The following OTOP3 variants were observed in gnomAD, a reference collection of about 807,000 sequenced individuals.
OTOP3 encodes otopetrin 3.
OTOP3 carries 41 observed loss-of-function variants against 50.8 expected under a neutral mutation model. The ratio of observed to expected loss-of-function variants is 0.81; its 90% confidence interval spans 0.63 to 1.05. OTOP3 has a LOEUF of 1.05. Among genes scored for constraint, OTOP3 ranks in the 50% least tolerant of loss-of-function variants. OTOP3 has a pLI of 0.00. For synonymous variants in OTOP3, 320 were observed against 324.4 expected, an observed-to-expected ratio of 0.99 and a Z score of 0.14; for missense variants, 788 against 760.8, an observed-to-expected ratio of 1.04 and a Z score of -0.42.
intron 3 of OTOP3, 115 bp from the exon 4 acceptor site, chr17:74,943,155 TAGAGCCAAGATTCCGA>T (rs1331923721): frequency 2.5e-6 from 2 of 814,602 alleles, no homozygotes; most frequent in Non-Finnish European, 4.2e-6. Flanking sequence ...CAAGAAGCAG[TAGAGCCAAGATTCCGA>T]CCCAGTCTTT....
In OTOP3 at chr17:74,947,439, G is replaced by A. The variant is rs1883491244; in HGVS notation, c.1530G>A (p.Lys510=). 6.2e-7 allele frequency: 1 copy of A among 1,610,598 alleles called. No homozygotes were observed. The highest frequency in any genetic ancestry group is 1.7e-5 in the Admixed American group (1 of 59,876). The part of the protein sequence containing the change: ...SHLNWKRRAL[K]EISLFLILCN... ...TCAACTGGAAGCGGAGGGCACTCAA[G>A]GAGATCTCACTCTTCCTCATCCTCT... The change falls in exon 6 of 7, where the codon AAG becomes AAA. Residue 510 remains lysine (K), a synonymous_variant. Coordinates refer to ENST00000328801, the MANE Select transcript of OTOP3 (RefSeq NM_001272005.2).
intron 1 of OTOP3, 115 bp from the exon 2 acceptor site, chr17:74,941,278 C>A: frequency 1.2e-6 from 1 of 865,870 alleles, no homozygotes. Flanking sequence ...ATGTCCCAAC[C>A]ACCCAACCAG....
In OTOP3 at chr17:74,947,055, GGA is replaced by G. The variant is rs1231083578; in HGVS notation, c.1154_1155del (p.Glu385AlafsTer41). 2 of 1,614,108 alleles carry G rather than the reference GGA, an allele frequency of 1.2e-6. No homozygotes were observed. Among genetic ancestry groups the G allele is most frequent in the Non-Finnish European group, 8.5e-7 (1 of 1,180,038 alleles). On this transcript the variant is annotated frameshift_variant, in exon 6 of 7. Transcript: ENST00000328801. LOFTEE classifies it high-confidence loss of function. Reference sequence around the variant, plus strand: ...CGGGCACAGCCATACACGGGCTGGAGGAGAGAGAGCTGGACACGGTCAAGAAC... The same window carrying G: ...CGGGCACAGCCATACACGGGCTGGAGGAGAGAGCTGGACACGGTCAAGAAC... Reference protein sequence around the residue: ...LAGTAIHGLEERELDTVKNPT... With the variant: ...LAGTAIHGLEXRELDTVKNPT...
intron 1 of OTOP3, among the ~76,000 whole-genome samples, chr17:74,937,182 C>A (rs1349092673): frequency 1.3e-5 from 2 of 152,074 alleles, no homozygotes; most frequent in South Asian, 2.1e-4. Context: ...CCAGGCTGGT[C>A]TCCAACTCCT....
At chr17:74,944,357 A>ATT (rs1173473209) in intron 5 of OTOP3, among the ~76,000 whole-genome samples, 1 of 152,192 alleles carries the variant, frequency 6.6e-6, no homozygotes, top group African/African-American at 2.4e-5. Context: ...ATCAGTCACG[A>ATT]CACGCCTGTG....
intron 6 of OTOP3, among the ~76,000 whole-genome samples, chr17:74,948,526 G>A (rs1470726293): frequency 6.6e-6 from 1 of 152,158 alleles, no homozygotes; most frequent in Admixed American, 6.6e-5. Flanking sequence ...CAGGCATGGT[G>A]GTGCACACCT....
At chr17:74,948,102 G>A (rs903939934) in intron 6 of OTOP3, among the ~76,000 whole-genome samples, 2 of 151,834 alleles carry the variant, frequency 1.3e-5, no homozygotes, top group Non-Finnish European at 2.9e-5. Context: ...TGGCTCTAAA[G>A]TGCATTAGGA....
chr17:74,937,610 T>A (rs2039132278), intron 1 of OTOP3, among the ~76,000 whole-genome samples: 1 of 152,026 alleles, frequency 6.6e-6, no homozygotes, highest in African/African-American at 2.4e-5. Flanking sequence ...GGGAGTCTCC[T>A]CCCCAGCCAG....
chr17:74,941,879 G>A lies in OTOP3; in HGVS notation c.437-22G>A, dbSNP rs567929341. On this transcript the variant is annotated intron_variant, in intron 2 of 6. Coordinates refer to ENST00000328801, the MANE Select transcript of OTOP3 (RefSeq NM_001272005.2). Reference sequence around the variant, plus strand: ...GAGCCGGTTCCGCGCAGGTGCCAACGCCCGCCCACATGTCCGGCCAGGTTC... The same window carrying A: ...GAGCCGGTTCCGCGCAGGTGCCAACACCCGCCCACATGTCCGGCCAGGTTC... 4.9e-5 allele frequency: 78 copies of A among 1,593,912 alleles called. No individual in the cohort carries two copies. In the Middle Eastern group the frequency reaches 5.0e-4, roughly 10 times the overall value.
intron 1 of OTOP3, among the ~76,000 whole-genome samples, 186 bp from the exon 2 acceptor site, chr17:74,941,207 C>T (rs2039168097): frequency 6.6e-6 from 1 of 152,164 alleles, no homozygotes; most frequent in Non-Finnish European, 1.5e-5. Flanking sequence ...GTAGGGTCTC[C>T]TGGTCTGTTT....
intron 1 of OTOP3, among the ~76,000 whole-genome samples, chr17:74,938,736 T>A (rs1187398716): frequency 1.3e-5 from 2 of 152,144 alleles, no homozygotes; most frequent in Non-Finnish European, 2.9e-5. Context: ...CCATGCAGGC[T>A]GTGTCAGTAA....
chr17:74,938,646 C>A (rs1343264643), intron 1 of OTOP3, among the ~76,000 whole-genome samples: 4 of 152,180 alleles, frequency 2.6e-5, no homozygotes, highest in Admixed American at 2.6e-4. Flanking sequence ...CAGGAAGCAG[C>A]AGCAGCTACT....
rs752436935 is a variant in OTOP3 at position 74,946,850 on chromosome 17, T to A, written c.941T>A (p.Phe314Tyr). 1 of 1,610,816 alleles carries A rather than the reference T, an allele frequency of 6.2e-7. No individual in the cohort carries two copies. Among genetic ancestry groups the A allele is most frequent in the South Asian group, 1.1e-5 (1 of 91,084 alleles). Residue 314 changes from phenylalanine to tyrosine, a missense_variant, in exon 6 of 7, where the codon TTC (phenylalanine) becomes TAC (tyrosine). Transcript: ENST00000328801. ...GGTGCCCACCCTGCCACCGCACCCT[T>A]CCACCTGCACGGGGCCATCTTCGGG... ...HMGAHPATAPFHLHGAIFGPL... is the reference protein window; with the variant it reads ...HMGAHPATAPYHLHGAIFGPL...
chr17:74,946,241 G>A (rs547473714), intron 5 of OTOP3, among the ~76,000 whole-genome samples: 1 of 152,280 alleles, frequency 6.6e-6, no homozygotes, highest in South Asian at 2.1e-4. Context: ...GCCTCCCAAA[G>A]TGTTGGGATT....
chr17:74,947,025 C>G lies in OTOP3; in HGVS notation c.1116C>G (p.Cys372Trp), dbSNP rs779799245. 6.2e-7 allele frequency: 1 copy of G among 1,613,840 alleles called. No homozygotes were observed. Residue 372 changes from cysteine (C) to tryptophan (W), a missense_variant, in exon 6 of 7, where the codon TGC becomes TGG. Transcript: ENST00000328801. ...TGCTGCCCACCATGAGTCTGGCGTG[C>G]CTGGCGGGCACAGCCATACACGGGC... Reference protein sequence around the residue: ...VAVLPTMSLACLAGTAIHGLE... With the variant: ...VAVLPTMSLAWLAGTAIHGLE...
chr17:74,945,855 CG>C (rs2039220281), intron 5 of OTOP3, among the ~76,000 whole-genome samples: 1 of 152,116 alleles, frequency 6.6e-6, no homozygotes, highest in African/African-American at 2.4e-5. Context: ...CATGGGAACA[CG>C]GCTCACTGCA....
intron 5 of OTOP3, 121 bp from the exon 6 acceptor site, chr17:74,946,540 G>A (rs1346842070): frequency 8.9e-6 from 7 of 790,382 alleles, no homozygotes; most frequent in Non-Finnish European, 1.2e-5. Flanking sequence ...TTGGTAAAAT[G>A]AGCGGCTGGG....
intron 4 of OTOP3, 81 bp from the exon 5 acceptor site, chr17:74,943,525 C>A: frequency 6.9e-7 from 1 of 1,441,174 alleles, no homozygotes; most frequent in Non-Finnish European, 9.8e-7. Context: ...TGAGTGGTTG[C>A]CCCAACAACA....
chr17:74,945,233 G>A (rs998959720), intron 5 of OTOP3, among the ~76,000 whole-genome samples: 2 of 152,154 alleles, frequency 1.3e-5, no homozygotes, highest in Non-Finnish European at 2.9e-5. Flanking sequence ...TGGGATTATA[G>A]GCATGAGCCA....
Sources: gnomAD v4.1 joint callset for allele counts (sites outside exome capture counted in the v4.1 genomes callset) on GRCh38, gnomAD v4.1.1 for gene constraint, MANE v1.5 for transcripts, NCBI Gene and HGNC (gene_info 2026-07-23, HGNC 2026-07-21) for gene names.